Variants in LRRC2 observed in about 807,000 individuals in gnomAD.
LRRC2 encodes the protein leucine rich repeat containing 2.
A neutral mutation model predicts 40.2 loss-of-function variants in LRRC2; 27 were observed. The observed-to-expected ratio is 0.67, with a 90% CI of 0.49 to 0.93. LRRC2 has a LOEUF of 0.93. Ranked by LOEUF, LRRC2 falls within the 40% of genes least tolerant of loss-of-function variation. The probability of loss-of-function intolerance (pLI) is 0.00; values close to 1 mark genes in which losing one functional copy is unlikely to be tolerated. For missense variants in LRRC2, 402 were observed against 439.6 expected (o/e 0.91, Z 0.76); for synonymous variants, 147 against 158.9 (o/e 0.92, Z 0.56).
At chr3:46,529,184 C>T (rs1250715073) in intron 6 of LRRC2, among the ~76,000 whole-genome samples, 1 of 152,034 alleles carries the variant, frequency 6.6e-6, no homozygotes, top group African/African-American at 2.4e-5. Context: ...TTAAACCCAT[C>T]CCGTTCTCTA....
rs902485579 is a variant in LRRC2, at chr3:46,517,903, A to T, written c.*1111T>A. 1 of 152,308 alleles carries T rather than the reference A, an allele frequency of 6.6e-6. No homozygotes were observed. Among genetic ancestry groups the T allele is most frequent in the Non-Finnish European group, 1.5e-5 (1 of 68,120 alleles). The allele number at this position is 152,308 out of a possible 1,614,324, so 9.4% of individuals were successfully genotyped here. A position where few individuals can be genotyped will look rare whatever the true frequency, so the allele number is the denominator to read the frequency against. On this transcript the variant is annotated 3_prime_UTR_variant, in exon 9 of 9. Transcript: ENST00000395905. ...AAGGAAGCCTTGCTAGGAACTCCTT[A>T]TCAGTGTGGACTGGTCATCTCCATT...
chr3:46,562,508 A>G (rs772764293), intron 1 of LRRC2, among the ~76,000 whole-genome samples: 19 of 152,190 alleles, frequency 1.2e-4, no homozygotes, highest in Non-Finnish European at 1.5e-5. Flanking sequence ...AAGACAGTGG[A>G]TTTTTATAAA....
chr3:46,550,066 T>C (rs1262039375), intron 2 of LRRC2, among the ~76,000 whole-genome samples: 1 of 152,210 alleles, frequency 6.6e-6, no homozygotes, highest in African/African-American at 2.4e-5. Flanking sequence ...CAAGCAATCC[T>C]TTATGTCATA....
chr3:46,547,162 T>A (rs184554389), intron 2 of LRRC2, among the ~76,000 whole-genome samples: 1 of 152,330 alleles, frequency 6.6e-6, no homozygotes, highest in Non-Finnish European at 1.5e-5. Flanking sequence ...ATGTTTTGCT[T>A]TTAAGAAACC....
rs578129654 is a variant in LRRC2, at chr3:46,555,242, G to A, written c.-19-3632C>T. ...TCATTTTATATTATCCTAACTATAT[G>A]CTTATAGTTGATGTGAGATTTTGTA... On this transcript the variant is annotated intron_variant, in intron 1 of 8. Transcript: ENST00000395905. 3.1e-3 allele frequency among the ~76,000 whole-genome samples: 477 copies of A among 152,072 alleles called. 2 individuals are homozygous for A. The highest frequency in any genetic ancestry group is 0.011 in the African/African-American group (439 of 41,488).
chr3:46,528,809 T>G (rs1704108242), intron 6 of LRRC2, among the ~76,000 whole-genome samples: 1 of 152,208 alleles, frequency 6.6e-6, no homozygotes, highest in Non-Finnish European at 1.5e-5. Flanking sequence ...TTGCTTGTGT[T>G]TCTTTATAAA....
intron 2 of LRRC2, among the ~76,000 whole-genome samples, chr3:46,547,657 A>G (rs1704555421): frequency 6.8e-6 from 1 of 147,724 alleles, no homozygotes; most frequent in East Asian, 2.0e-4. Context: ...CTTGTCCCAA[A>G]AAAATTACAA....
At position 46,539,106 on chromosome 3, in the gene LRRC2, A is replaced by C; in HGVS notation, c.429T>G (p.Phe143Leu). 1 of 1,614,020 alleles carries C rather than the reference A, an allele frequency of 6.2e-7. No individual in the cohort carries two copies. Among genetic ancestry groups the C allele is most frequent in the Non-Finnish European group, 8.5e-7 (1 of 1,179,948 alleles). The change falls in exon 4 of 9, where the codon TTT becomes TTG. Residue 143 changes from phenylalanine (F) to leucine (L), a missense_variant. By Grantham distance (22) the Phe-to-Leu change is conservative. Transcript: ENST00000395905. The stretch of plus-strand genomic sequence containing the variant: ...GCAGATCCAGAATTCTCATCGCTTG[A>C]AATAACTGAATATATGTAGGAATGA... ...IQIIPTYIQL[F>L]QAMRILDLPK... is the part of the protein sequence containing the mutation.
At chr3:46,543,641 A>T (rs1226540253) in intron 3 of LRRC2, among the ~76,000 whole-genome samples, 22 of 92,514 alleles carry the variant, frequency 2.4e-4, no homozygotes, top group Non-Finnish European at 4.8e-4. Flanking sequence ...TAATAATAAT[A>T]ATAATAATAA....
chr3:46,548,340 T>C (rs1231076950), intron 2 of LRRC2, among the ~76,000 whole-genome samples: 5 of 152,230 alleles, frequency 3.3e-5, no homozygotes, highest in African/African-American at 1.2e-4. Context: ...TTTTCCTTCT[T>C]AAATATTTTA....
At chr3:46,560,161 T>G (rs1216781065) in intron 1 of LRRC2, among the ~76,000 whole-genome samples, 1 of 152,110 alleles carries the variant, frequency 6.6e-6, no homozygotes, top group African/African-American at 2.4e-5. Context: ...TAGAAGGTAG[T>G]AGTTCATGGG....
chr3:46,560,084 G>GGCATCCCAT (rs1436288282), intron 1 of LRRC2, among the ~76,000 whole-genome samples: 1 of 152,116 alleles, frequency 6.6e-6, no homozygotes, highest in African/African-American at 2.4e-5. Context: ...CCCAGCCCTT[G>GGCATCCCAT]GCATCCCATG....
chr3:46,541,508 G>A (rs904962385), intron 3 of LRRC2, among the ~76,000 whole-genome samples: 8 of 152,134 alleles, frequency 5.3e-5, no homozygotes, highest in Non-Finnish European at 1.0e-4. Flanking sequence ...CCTTGCAGAA[G>A]GGCAAAGAGA....
At chr3:46,542,249 G>T (rs184505289) in intron 3 of LRRC2, among the ~76,000 whole-genome samples, 2 of 152,182 alleles carry the variant, frequency 1.3e-5, no homozygotes, top group Admixed American at 1.3e-4. Context: ...AAACTATCCA[G>T]CACTTTGGGA....
chr3:46,564,933 T>A (rs776518432), intron 1 of LRRC2, among the ~76,000 whole-genome samples: 1 of 152,164 alleles, frequency 6.6e-6, no homozygotes, highest in Non-Finnish European at 1.5e-5. Context: ...ACCAAGGAGC[T>A]TTGGTGACTC....
At chr3:46,549,793 C>T (rs1704603247) in intron 2 of LRRC2, among the ~76,000 whole-genome samples, 1 of 152,196 alleles carries the variant, frequency 6.6e-6, no homozygotes, top group Non-Finnish European at 1.5e-5. Context: ...TCCCTAACTC[C>T]CCTCCCCACT....
At chr3:46,564,631 C>G (rs1705019137) in intron 1 of LRRC2, among the ~76,000 whole-genome samples, 1 of 152,038 alleles carries the variant, frequency 6.6e-6, no homozygotes, top group Non-Finnish European at 1.5e-5. Flanking sequence ...CACTGGGAGG[C>G]TGGGAGGGGG....
intron 3 of LRRC2, among the ~76,000 whole-genome samples, chr3:46,541,730 C>T (rs1048404745): frequency 1.2e-4 from 19 of 152,120 alleles, no homozygotes; most frequent in Non-Finnish European, 2.4e-4. Flanking sequence ...AGAAAGAGAT[C>T]GGGTTCAAAG....
intron 3 of LRRC2, among the ~76,000 whole-genome samples, chr3:46,543,931 A>C (rs1704461935): frequency 6.6e-6 from 1 of 152,170 alleles, no homozygotes; most frequent in South Asian, 2.1e-4. Context: ...AGAACTGTAT[A>C]CTTTACAGAA....
Sources: gnomAD v4.1 joint callset for allele counts (sites outside exome capture counted in the v4.1 genomes callset) on GRCh38, gnomAD v4.1.1 for gene constraint, MANE v1.5 for transcripts, NCBI Gene and HGNC (gene_info 2026-07-23, HGNC 2026-07-21) for gene names.